Variants in UTP18 observed in about 807,000 individuals in gnomAD.
The protein encoded by UTP18 is U3 small nucleolar RNA-associated protein 18 homolog.
Under a neutral mutation model 61.1 loss-of-function variants are expected in UTP18, and 36 were observed. The observed-to-expected ratio is 0.59, with a 90% CI of 0.45 to 0.78. UTP18 has a LOEUF of 0.78. Among genes scored for constraint, UTP18 ranks in the 30% least tolerant of loss-of-function variants. The pLI is 0.00. For missense variants in UTP18, 753 were observed against 693.9 expected, an observed-to-expected ratio of 1.09 and a Z score of -0.96; for synonymous variants, 282 against 251.1, an observed-to-expected ratio of 1.12 and a Z score of -1.16.
intron 11 of UTP18, among the ~76,000 whole-genome samples, chr17:51,292,083 T>C (rs181394444): frequency 5.3e-5 from 8 of 152,372 alleles, no homozygotes; most frequent in South Asian, 4.1e-4. Context: ...AAGGTACTTA[T>C]CACAAATTTA....
chr17:51,261,133 G>T (rs1292435575), intron 1 of UTP18, among the ~76,000 whole-genome samples: 2 of 152,264 alleles, frequency 1.3e-5, no homozygotes, highest in Non-Finnish European at 2.9e-5. Context: ...GGCGGGGACC[G>T]CGTCTTTCTC....
chr17:51,293,874 A>T (rs377009361), intron 11 of UTP18, 29 bp from the exon 12 acceptor site: 3 of 1,490,040 alleles, frequency 2.0e-6, no homozygotes, highest in Non-Finnish European at 2.7e-6. Context: ...CAGTTGTTAC[A>T]CTTTAAAGTT....
intron 12 of UTP18, among the ~76,000 whole-genome samples, chr17:51,294,735 G>T (rs533546593): frequency 1.3e-5 from 2 of 152,060 alleles, no homozygotes; most frequent in South Asian, 4.2e-4. Flanking sequence ...GGATGGCTGG[G>T]TCAAATGGTA....
intron 4 of UTP18, among the ~76,000 whole-genome samples, chr17:51,271,262 CTAGATTATTAGTAATACGTA>C (rs1904519828): frequency 6.6e-6 from 1 of 152,014 alleles, no homozygotes; most frequent in African/African-American, 2.4e-5. Context: ...GTCTTCCTTT[CTAGATTATTAGTAATACGTA>C]TATTAAATGT....
Position 51,288,963 on chromosome 17 carries a change from T to C in UTP18, c.1503+760T>C, listed in dbSNP as rs764917498. On this transcript the variant is annotated intron_variant, in intron 11 of 13. Coordinates refer to ENST00000225298, the MANE Select transcript of UTP18 (RefSeq NM_016001.3). ...TCATTAGAGACTCATTGCAGAAGGT[T>C]TTTATTGGGACTTCATATAGGGTAC... Among the ~76,000 whole-genome samples the C allele has an allele frequency of 3.3e-5, 5 of 152,288 alleles. No homozygotes were observed. In the East Asian group the frequency reaches 9.6e-4, roughly 29 times the overall value.
At chr17:51,262,317 C>G (rs2055512539) in intron 1 of UTP18, among the ~76,000 whole-genome samples, 2 of 152,114 alleles carry the variant, frequency 1.3e-5, no homozygotes, top group Non-Finnish European at 2.9e-5. Context: ...AACTCCTGAC[C>G]TCGTGATCCG....
chr17:51,285,146 A>T (rs910888363), intron 9 of UTP18, 99 bp from the exon 10 acceptor site: 1 of 1,270,118 alleles, frequency 7.9e-7, no homozygotes, highest in Non-Finnish European at 1.1e-6. Flanking sequence ...CTGTATTTGT[A>T]GTCTCCTGTA....
rs982454069 is a variant in UTP18, at chr17:51,297,785, C to T, written c.*18C>T. 9.6e-6 allele frequency: 4 copies of T among 414,658 alleles called. No homozygotes were observed. Among genetic ancestry groups the T allele is most frequent in the Non-Finnish European group, 1.9e-5 (4 of 213,680 alleles). The allele number at this position is 414,658 out of a possible 1,614,324, so 25.7% of individuals were successfully genotyped here. A position where few individuals can be genotyped will look rare whatever the true frequency, so the allele number is the denominator to read the frequency against. ...ATTTCTTTTGTTCTTTCCTCAGGTC[C>T]AGTTGAGTCACAAGAGAAGCCTGTC... On this transcript the variant is annotated 3_prime_UTR_variant, in exon 14 of 14. Transcript: ENST00000225298.
chr17:51,269,547 A>G (rs1220471972), intron 4 of UTP18, among the ~76,000 whole-genome samples: 1 of 152,032 alleles, frequency 6.6e-6, no homozygotes, highest in African/African-American at 2.4e-5. Flanking sequence ...CTCCTTCCTT[A>G]GCATCCTTCA....
chr17:51,287,690 G>C (rs886155630), intron 10 of UTP18, among the ~76,000 whole-genome samples: 2 of 152,184 alleles, frequency 1.3e-5, no homozygotes, highest in African/African-American at 4.8e-5. Context: ...GTCTGTGGGA[G>C]TAAATGAGAT....
At chr17:51,283,761 T>C (rs1597851116) in intron 9 of UTP18, among the ~76,000 whole-genome samples, 2 of 151,982 alleles carry the variant, frequency 1.3e-5, no homozygotes, top group East Asian at 3.9e-4. Flanking sequence ...ATTACAGGCA[T>C]GTGCCACCAC....
intron 11 of UTP18, among the ~76,000 whole-genome samples, chr17:51,291,328 A>T (rs1408502772): frequency 6.6e-6 from 1 of 152,204 alleles, no homozygotes; most frequent in Non-Finnish European, 1.5e-5. Flanking sequence ...AAGATTCACC[A>T]ATGCATTGAG....
chr17:51,295,455 C>G (rs1213194433), intron 12 of UTP18, among the ~76,000 whole-genome samples: 9 of 152,000 alleles, frequency 5.9e-5, no homozygotes, highest in Admixed American at 1.3e-4. Flanking sequence ...ATTAAATAGG[C>G]AATCCTTTCC....
At chr17:51,267,920 G>A (rs1196534933) in intron 3 of UTP18, among the ~76,000 whole-genome samples, 1 of 151,294 alleles carries the variant, frequency 6.6e-6, no homozygotes, top group Non-Finnish European at 1.5e-5. Flanking sequence ...GCTTAGTTTG[G>A]TGAGCTAGTC....
At chr17:51,294,507 T>C (rs1004455042) in intron 12 of UTP18, among the ~76,000 whole-genome samples, 1 of 152,134 alleles carries the variant, frequency 6.6e-6, no homozygotes, top group African/African-American at 2.4e-5. Flanking sequence ...GTTTCATCCA[T>C]GTCCCTAAAA....
At chr17:51,263,432 AAG>A in intron 2 of UTP18, 46 bp downstream of exon 2, 1 of 1,388,022 alleles carries the variant, frequency 7.2e-7, no homozygotes, top group Non-Finnish European at 1.0e-6. Flanking sequence ...ACACTTAAAA[AAG>A]TTATTTTGCA....
intron 11 of UTP18, among the ~76,000 whole-genome samples, chr17:51,292,735 T>A (rs995796139): frequency 1.3e-5 from 2 of 152,224 alleles, no homozygotes; most frequent in Admixed American, 1.3e-4. Flanking sequence ...TACCTGGGTT[T>A]TATTCATCCA....
chr17:51,280,183 T>A, intron 8 of UTP18, 78 bp downstream of exon 8: 1 of 1,457,846 alleles, frequency 6.9e-7, no homozygotes, highest in Non-Finnish European at 9.5e-7. Flanking sequence ...TAACTCAGTG[T>A]GTCCTTAAAT....
chr17:51,261,713 G>A (rs546170591), intron 1 of UTP18, among the ~76,000 whole-genome samples: 1 of 152,240 alleles, frequency 6.6e-6, no homozygotes, highest in African/African-American at 2.4e-5. Context: ...ATTCGGGAAA[G>A]GGAGATGGGC....
Sources: allele counts gnomAD v4.1 joint callset (sites outside exome capture counted in the v4.1 genomes callset), GRCh38; gene constraint gnomAD v4.1.1; transcripts MANE v1.5; gene names NCBI Gene and HGNC (gene_info 2026-07-23, HGNC 2026-07-21).